PBK: variants seen among roughly 807,000 people sequenced by gnomAD.
PBK encodes the protein PDZ binding kinase, also known as lymphokine-activated killer T-cell-originated protein kinase.
In PBK, 22 loss-of-function variants were observed where a neutral mutation model predicts 33.5. That is an observed-to-expected ratio of 0.66 (90% CI 0.47 to 0.94). The LOEUF (loss-of-function observed/expected upper bound fraction) is 0.94, where lower values mean the gene tolerates loss of function less well. PBK is among the 40% of genes least tolerant of loss of function. The pLI is 0.00. For synonymous variants in PBK, 129 were observed against 123.8 expected (o/e 1.04, Z -0.28); for missense variants, 376 against 383.4 (o/e 0.98, Z 0.16).
At position 27,810,130 on chromosome 8, in the gene PBK, T is replaced by G. The variant is rs1395021524; in HGVS notation, c.*175A>C. On this transcript the variant is annotated 3_prime_UTR_variant, in exon 8 of 8. Transcript: ENST00000301905. ...ACAGAAAACCCAGTACAATTCCAAG[T>G]GCTTATAGCCAATATAAGCATATTT... 1 of 571,966 alleles carries G rather than the reference T, an allele frequency of 1.7e-6. No individual in the cohort carries two copies. The allele number at this position is 571,966 out of a possible 1,614,324, so 35.4% of individuals were successfully genotyped here.
intron 2 of PBK, among the ~76,000 whole-genome samples, chr8:27,831,418 C>G (rs61407865): frequency 1.3e-5 from 2 of 151,730 alleles, no homozygotes; most frequent in African/African-American, 4.8e-5. Context: ...CTTCAAAATA[C>G]ATGAAGCAAC....
intron 6 of PBK, among the ~76,000 whole-genome samples, chr8:27,819,604 T>G (rs989526548): frequency 2.2e-4 from 33 of 152,218 alleles, no homozygotes; most frequent in South Asian, 1.0e-3. Flanking sequence ...AATTCGAAGT[T>G]TTTTTGTGTG....
intron 3 of PBK, among the ~76,000 whole-genome samples, chr8:27,826,299 A>G (rs1417059647): frequency 6.6e-6 from 1 of 152,216 alleles, no homozygotes; most frequent in African/African-American, 2.4e-5. Context: ...TGGAAATGCA[A>G]ATTCTCAAAA....
At chr8:27,833,024 TA>T (rs551214377) in intron 2 of PBK, 31 bp downstream of exon 2, 31,545 of 936,984 alleles carry the variant, frequency 0.034, 37 homozygotes, top group African/African-American at 0.045. Flanking sequence ...ACAACAATAG[TA>T]AAAAAAAAAA....
chr8:27,812,534 A>G (rs1805709202), intron 6 of PBK: 2 of 152,152 alleles, frequency 1.3e-5, no homozygotes, highest in South Asian at 2.1e-4. Context: ...TGAACAGGCA[A>G]CCTACAGAAT....
chr8:27,818,087 A>T (rs1347731389), intron 6 of PBK, among the ~76,000 whole-genome samples: 2 of 152,214 alleles, frequency 1.3e-5, no homozygotes. Context: ...GCCATGTTCC[A>T]TATAGTGGCT....
At chr8:27,821,676 A>T (rs1366797088) in intron 5 of PBK, among the ~76,000 whole-genome samples, 14 of 152,216 alleles carry the variant, frequency 9.2e-5, no homozygotes, top group Non-Finnish European at 2.1e-4. Flanking sequence ...ATATCAGAAG[A>T]TACAACTGCA....
Position 27,832,089 on chromosome 8 carries a change from T to C in PBK, c.58+967A>G, listed in dbSNP as rs1274160412. Among the ~76,000 whole-genome samples, 5 of 152,090 alleles carry C rather than the reference T, an allele frequency of 3.3e-5. No homozygotes were observed. The East Asian group carries it at 5.8e-4, about 18-fold the overall frequency. ...TGCAGTCCAATATCCCTCATGAATA[T>C]AGACAATATCAGCAAATCAAGCAAT... is the stretch of plus-strand genomic sequence containing the variant. On this transcript the variant is annotated intron_variant, in intron 2 of 7. Transcript: ENST00000301905.
chr8:27,813,748 A>T (rs1416224117), intron 6 of PBK, among the ~76,000 whole-genome samples: 2 of 152,218 alleles, frequency 1.3e-5, no homozygotes, highest in Non-Finnish European at 2.9e-5. Context: ...AACGTACAGC[A>T]TAGTGAGGAC....
chr8:27,823,144 C>A lies in PBK; in HGVS notation c.214G>T (p.Asp72Tyr). 2 of 1,554,428 alleles carry A rather than the reference C, an allele frequency of 1.3e-6. No homozygotes were observed. Among genetic ancestry groups the A allele is most frequent in the South Asian group, 1.1e-5 (1 of 89,044 alleles). ...TTTTGATACACACTTCGATAATGATCATTACATATAGGATTAATCTTTTTT... is the reference window on the plus strand; with the variant it reads ...TTTTGATACACACTTCGATAATGATAATTACATATAGGATTAATCTTTTTT... ...AVKKINPICN[D>Y]HYRSVYQKRL... Residue 72 changes from aspartate to tyrosine, a missense_variant, in exon 4 of 8, where the codon GAT becomes TAT. Asp to Tyr is a radical substitution (Grantham distance 160). Transcript: ENST00000301905.
At chr8:27,832,451 G>A (rs6558018) in intron 2 of PBK, among the ~76,000 whole-genome samples, 61,553 of 152,010 alleles carry the variant, frequency 0.4, 12,897 homozygotes, top group East Asian at 0.62. Flanking sequence ...GGGGAACAAA[G>A]TAAAACTGTC....
intron 6 of PBK, among the ~76,000 whole-genome samples, chr8:27,813,947 G>A (rs962147716): frequency 6.6e-6 from 1 of 151,694 alleles, no homozygotes; most frequent in Non-Finnish European, 1.5e-5. Flanking sequence ...TACATAGCAG[G>A]TGTACATGTT....
At chr8:27,815,381 A>C (rs1333592377) in intron 6 of PBK, among the ~76,000 whole-genome samples, 1 of 152,210 alleles carries the variant, frequency 6.6e-6, no homozygotes, top group Non-Finnish European at 1.5e-5. Flanking sequence ...AGGAAAGATG[A>C]GTGGTGTCTC....
intron 6 of PBK, among the ~76,000 whole-genome samples, chr8:27,812,945 T>C (rs58990143): frequency 0.16 from 23,948 of 152,124 alleles, 2,397 homozygotes; most frequent in East Asian, 0.37. Flanking sequence ...AGAAATACCA[T>C]TTGACCCAGC....
In PBK at chr8:27,830,795, G is replaced by A. The variant is rs1045946398; in HGVS notation, c.58+2261C>T. Among the ~76,000 whole-genome samples the A allele has an allele frequency of 7.2e-5, 11 of 152,122 alleles. No individual in the cohort carries two copies. In the South Asian group the frequency reaches 1.5e-3, roughly 20 times the overall value. ...TAAAGGAAATTAAAGTTGTCAGAAC[G>A]GATAAAAACAAGACGAGACATGCCA... On this transcript the variant is annotated intron_variant, in intron 2 of 7. Transcript: ENST00000301905.
intron 6 of PBK, among the ~76,000 whole-genome samples, chr8:27,813,570 C>T (rs906498302): frequency 9.9e-5 from 15 of 151,670 alleles, no homozygotes; most frequent in African/African-American, 3.4e-4. Context: ...TAAACACTGA[C>T]CTCATAGCCA....
At chr8:27,832,595 C>G (rs1236030817) in intron 2 of PBK, among the ~76,000 whole-genome samples, 1 of 152,160 alleles carries the variant, frequency 6.6e-6, no homozygotes, top group Non-Finnish European at 1.5e-5. Flanking sequence ...AAATGGACAA[C>G]AGAATATTTT....
At chr8:27,826,517 C>A (rs1806025987) in intron 3 of PBK, among the ~76,000 whole-genome samples, 1 of 152,184 alleles carries the variant, frequency 6.6e-6, no homozygotes, top group Admixed American at 6.5e-5. Flanking sequence ...CAGGCAGGCA[C>A]TGCTGTTCTT....
Position 27,810,400 on chromosome 8 carries a change from T to G in PBK, c.874A>C (p.Lys292Gln). ...NMEELDESYQ[K>Q]VIELFSVCTN... ...CATACAGAGAAGAGTTCAATTACTT[T>G]CTGGTATGATTCATCCAGTTCTTCC... The change falls in exon 8 of 8, where the codon AAA becomes CAA. Residue 292 changes from lysine (K) to glutamine (Q), a missense_variant. Lys to Gln is a moderately conservative substitution (Grantham distance 53, BLOSUM62 1). Transcript: ENST00000301905. The G allele has an allele frequency of 6.2e-7, 1 of 1,607,972 alleles. No homozygotes were observed. Among genetic ancestry groups the G allele is most frequent in the East Asian group, 2.2e-5 (1 of 44,830 alleles).
Sources: allele counts gnomAD v4.1 joint callset (sites outside exome capture counted in the v4.1 genomes callset), GRCh38; gene constraint gnomAD v4.1.1; transcripts MANE v1.5; gene names NCBI Gene and HGNC (gene_info 2026-07-23, HGNC 2026-07-21).